The following SRGAP3 variants were observed in gnomAD, a reference collection of about 807,000 sequenced individuals.
SRGAP3 encodes SLIT-ROBO Rho GTPase-activating protein 3.
A neutral mutation model predicts 121.1 loss-of-function variants in SRGAP3; 39 were observed. The ratio of observed to expected loss-of-function variants is 0.32; its 90% CI spans 0.25 to 0.42. The LOEUF is 0.42. Ranked by LOEUF, SRGAP3 falls within the 10% of genes least tolerant of loss-of-function variation. The pLI, the probability that SRGAP3 is intolerant of heterozygous loss-of-function variation, is 1.00. For synonymous variants in SRGAP3, 601 were observed against 570.0 expected, an observed-to-expected ratio of 1.05 and a Z score of -0.77; for missense variants, 1,213 against 1,470.6, an observed-to-expected ratio of 0.82 and a Z score of 2.86.
intron 3 of SRGAP3, among the ~76,000 whole-genome samples, chr3:9,088,171 C>T (rs1016603834): frequency 6.6e-6 from 1 of 152,166 alleles, no homozygotes; most frequent in Non-Finnish European, 1.5e-5. Flanking sequence ...AATGTATTCG[C>T]TCTCACTGCC....
rs1943614209 is a variant in SRGAP3 at position 9,015,885 on chromosome 3, T to C, written c.1679-154A>G. 1.3e-5 allele frequency: 10 copies of C among 767,622 alleles called. No homozygotes were observed. In the South Asian group the frequency reaches 1.6e-4, roughly 12 times the overall value. The allele number at this position is 767,622 out of a possible 1,614,324, so 47.6% of individuals were successfully genotyped here. A position where few individuals can be genotyped will look rare whatever the true frequency, so the allele number is the denominator to read the frequency against. On this transcript the variant is annotated intron_variant, in intron 14 of 21. Coordinates refer to ENST00000383836, the MANE Select transcript of SRGAP3 (RefSeq NM_014850.4). ...ATATGAGGCCCCCCACTTCAGCAAG[T>C]TTAAAGTTCTCCCTGCAACTTATTT... is the stretch of plus-strand genomic sequence containing the variant.
At position 9,331,785 on chromosome 3, in the gene SRGAP3, A is replaced by G. The variant is rs559629629; in HGVS notation, n.215-1189T>C. Among the ~76,000 whole-genome samples the G allele has an allele frequency of 4.6e-5, 7 of 152,290 alleles. No individual in the cohort carries two copies. The South Asian group carries it at 1.5e-3, about 32-fold the overall frequency. On this transcript the variant is annotated intron_variant and non_coding_transcript_variant, in intron 1 of 3. Transcript: ENST00000490889. ...GGTGTAAACAAGCCTAAAATGAAATACCACATGGAGAGAGGCCTAGACATT... is the reference window on the plus strand; with the variant it reads ...GGTGTAAACAAGCCTAAAATGAAATGCCACATGGAGAGAGGCCTAGACATT...
At chr3:9,317,217 T>C (rs1173962288) in intron 3 of SRGAP3, among the ~76,000 whole-genome samples, 6 of 152,188 alleles carry the variant, frequency 3.9e-5, no homozygotes, top group Admixed American at 2.0e-4. Context: ...CCAGCTAACG[T>C]AGACTCCATT....
intron 4 of SRGAP3, among the ~76,000 whole-genome samples, chr3:9,075,873 G>A (rs1946951866): frequency 6.6e-6 from 1 of 152,168 alleles, no homozygotes; most frequent in Non-Finnish European, 1.5e-5. Flanking sequence ...TGAATTTGGG[G>A]CACATAGTGC....
Position 9,057,394 on chromosome 3 carries a change from T to C in SRGAP3, c.1023+857A>G, listed in dbSNP as rs116717464. On this transcript the variant is annotated intron_variant, in intron 7 of 21. Transcript: ENST00000383836. ...ACCCAAAGTTTACGGTCACCAGTGGTCACCATGAGGCCAGCATTTTCAGGT... is the reference window on the plus strand; with the variant it reads ...ACCCAAAGTTTACGGTCACCAGTGGCCACCATGAGGCCAGCATTTTCAGGT... 5.9e-3 allele frequency among the ~76,000 whole-genome samples: 901 copies of C among 152,338 alleles called. 5 individuals carry two copies. Among genetic ancestry groups the C allele is most frequent in the Middle Eastern group, 0.01 (3 of 294 alleles).
chr3:9,327,440 T>C lies in SRGAP3; in HGVS notation n.284-1272A>G, dbSNP rs142158539. Among the ~76,000 whole-genome samples, 20 of 149,760 alleles carry C rather than the reference T, an allele frequency of 1.3e-4. No individual in the cohort carries two copies. The East Asian group carries it at 2.7e-3, about 20-fold the overall frequency. On this transcript the variant is annotated intron_variant and non_coding_transcript_variant, in intron 2 of 3. Transcript: ENST00000490889. ...AAATTTACATTTCCATACCTTCTTA[T>C]AATCCCTTACAAATAACACATTTCA...
chr3:9,028,439 G>A (rs1944317968), intron 12 of SRGAP3, among the ~76,000 whole-genome samples: 1 of 152,134 alleles, frequency 6.6e-6, no homozygotes, highest in Admixed American at 6.5e-5. Flanking sequence ...GCAACTGTGT[G>A]GACTGGACCC....
chr3:8,985,680 G>A lies in SRGAP3; in HGVS notation c.3139C>T (p.Leu1047=), dbSNP rs200111200. ...TTFKPALSAR[L]AGAQLRPPPM... ...GGCGGGCGGAGCTGGGCGCCAGCCA[G>A]GCGGGCGGACAGGGCTGGCTTGAAG... is the stretch of plus-strand genomic sequence containing the variant. Residue 1047 remains leucine (L), a synonymous_variant, in exon 22 of 22, where the codon CTG becomes TTG. Coordinates refer to ENST00000383836, the MANE Select transcript of SRGAP3 (RefSeq NM_014850.4). This position sits in a 1 kb window ranked among gnomAD's most constrained non-coding sequence, Gnocchi z 5.1. 7.5e-6 allele frequency: 12 copies of A among 1,595,608 alleles called. No homozygotes were observed. Among genetic ancestry groups the A allele is most frequent in the Non-Finnish European group, 1.0e-5 (12 of 1,178,572 alleles).
At chr3:9,193,868 A>T (rs1279424574) in intron 1 of SRGAP3, 1 of 152,338 alleles carries the variant, frequency 6.6e-6, no homozygotes, top group African/African-American at 2.4e-5. Context: ...TGGCTCCAAC[A>T]ACCCCAAACA....
intron 1 of SRGAP3, among the ~76,000 whole-genome samples, chr3:9,141,233 A>T (rs1479162820): frequency 6.6e-6 from 1 of 152,214 alleles, no homozygotes; most frequent in East Asian, 1.9e-4. Context: ...AGCCAGGGAC[A>T]GAGCCACTAA....
At chr3:9,205,114 C>G (rs1032440820) in intron 1 of SRGAP3, among the ~76,000 whole-genome samples, 1 of 152,094 alleles carries the variant, frequency 6.6e-6, no homozygotes, top group Non-Finnish European at 1.5e-5. Flanking sequence ...GATTATGATT[C>G]GAAAATGCGC....
chr3:9,081,763 C>T (rs148479867), intron 3 of SRGAP3, among the ~76,000 whole-genome samples: 1 of 152,292 alleles, frequency 6.6e-6, no homozygotes, highest in African/African-American at 2.4e-5. Flanking sequence ...CTCTAGGTTC[C>T]ATGCAGCTTG....
intron 1 of SRGAP3, among the ~76,000 whole-genome samples, chr3:9,177,698 C>T (rs1446346369): frequency 6.6e-6 from 1 of 152,188 alleles, no homozygotes; most frequent in Non-Finnish European, 1.5e-5. Context: ...AATATTTACT[C>T]TCTCTTTTCT....
intron 1 of SRGAP3, among the ~76,000 whole-genome samples, chr3:9,238,087 T>C (rs1471286122): frequency 6.6e-6 from 1 of 152,192 alleles, no homozygotes; most frequent in Non-Finnish European, 1.5e-5. Flanking sequence ...CATCCTATGT[T>C]ATACAGAACA....
intron 2 of SRGAP3, among the ~76,000 whole-genome samples, chr3:9,123,407 C>T (rs964287824): frequency 3.9e-3 from 27 of 7,002 alleles, no homozygotes; most frequent in African/African-American, 8.6e-3. Flanking sequence ...AATACACATA[C>T]ATACACATAC....
intron 1 of SRGAP3, 139 bp downstream of exon 1, chr3:9,248,746 T>C (rs1953914051): frequency 1.1e-6 from 1 of 890,724 alleles, no homozygotes; most frequent in Non-Finnish European, 1.8e-6. Context: ...CTGCCACTGT[T>C]ACTCCTCACA....
At chr3:9,158,722 C>G (rs1323666339) in intron 1 of SRGAP3, among the ~76,000 whole-genome samples, 1 of 152,144 alleles carries the variant, frequency 6.6e-6, no homozygotes, top group South Asian at 2.1e-4. Context: ...CAGACTAACG[C>G]AGTTGTTCCG....
chr3:9,284,354 A>G (rs1954730331), intron 3 of SRGAP3, among the ~76,000 whole-genome samples: 1 of 152,246 alleles, frequency 6.6e-6, no homozygotes, highest in Non-Finnish European at 1.5e-5. Context: ...TTCTTAGGTG[A>G]AACTAGGTTT....
intron 5 of SRGAP3, among the ~76,000 whole-genome samples, chr3:9,060,986 C>T (rs139978199): frequency 0.036 from 5,426 of 152,272 alleles, 314 homozygotes; most frequent in African/African-American, 0.12. Flanking sequence ...AATCCCAACA[C>T]TTTGGGAGGC....
Sources: gnomAD v4.1 joint callset for allele counts (sites outside exome capture counted in the v4.1 genomes callset) on GRCh38, gnomAD v4.1.1 for gene constraint, Gnocchi (gnomAD v3.1) non-coding constraint, MANE v1.5 for transcripts, NCBI Gene and HGNC (gene_info 2026-07-23, HGNC 2026-07-21) for gene names.